Variants in PYGM observed in about 807,000 individuals in gnomAD.
The protein encoded by PYGM is glycogen phosphorylase, muscle form.
A neutral mutation model predicts 99.3 loss-of-function variants in PYGM; 81 were observed. That is an observed-to-expected ratio of 0.82 (90% CI 0.68 to 0.98). The LOEUF is 0.98. PYGM is among the 50% of genes least tolerant of loss of function. The probability of loss-of-function intolerance (pLI) is 0.00; values close to 1 mark genes in which losing one functional copy is unlikely to be tolerated. For missense variants in PYGM, 1,030 were observed against 1,158.1 expected, an observed-to-expected ratio of 0.89 and a Z score of 1.61; for synonymous variants, 436 against 451.5, an observed-to-expected ratio of 0.97 and a Z score of 0.44.
Position 64,759,847 on chromosome 11 carries a change from C to T in PYGM, c.52G>A (p.Gly18Ser). 1 of 1,614,256 alleles carries T rather than the reference C, an allele frequency of 6.2e-7. No individual in the cohort carries two copies. Among genetic ancestry groups the T allele is most frequent in the Non-Finnish European group, 8.5e-7 (1 of 1,180,046 alleles). ...GTCACGTTCTCCACGCCGGCCAGGC[C>T]ACGCACACTGATTTGCTTTCTTTTC... is the stretch of plus-strand genomic sequence containing the variant. ...QEKRKQISVR[G>S]LAGVENVTEL... Residue 18 changes from glycine (G) to serine (S), a missense_variant, in exon 1 of 20, where the codon GGC becomes AGC. Physicochemically the swap from Gly to Ser is moderately conservative, Grantham distance 56. Transcript: ENST00000164139.
Position 64,753,532 on chromosome 11 carries a change from G to C in PYGM, c.1390C>G (p.Leu464Val). Residue 464 changes from leucine to valine, a missense_variant, in exon 11 of 20, where the codon CTC becomes GTC. Physicochemically the swap from Leu to Val is conservative, Grantham distance 32 (BLOSUM62 1). Transcript: ENST00000164139. ...NGVARIHSEI[L>V]KKTIFKDFYE... Reference sequence around the variant, plus strand: ...AGCGGGGCTCACATGGTCTTCTTGAGGATCTCGGAGTGGATGCGCGCCACG... The same window carrying C: ...AGCGGGGCTCACATGGTCTTCTTGACGATCTCGGAGTGGATGCGCGCCACG... 1 of 1,594,146 alleles carries C rather than the reference G, an allele frequency of 6.3e-7. No individual in the cohort carries two copies. Among genetic ancestry groups the C allele is most frequent in the Non-Finnish European group, 8.5e-7 (1 of 1,173,942 alleles).
At chr11:64,753,393 C>T in intron 11 of PYGM, 126 bp downstream of exon 11, 1 of 1,370,912 alleles carries the variant, frequency 7.3e-7, no homozygotes, top group Non-Finnish European at 9.9e-7. Context: ...AAGAATGACG[C>T]CACCTGTGAA....
At chr11:64,747,454 C>T in intron 17 of PYGM, 96 bp from the exon 18 acceptor site, 1 of 1,548,012 alleles carries the variant, frequency 6.5e-7, no homozygotes, top group South Asian at 1.1e-5. Context: ...GGGTCAAAAC[C>T]CAGGTCCAGC....
chr11:64,753,424 CAG>C, intron 11 of PYGM, 93 bp downstream of exon 11: 4 of 1,471,314 alleles, frequency 2.7e-6, no homozygotes, highest in African/African-American at 1.4e-5. Flanking sequence ...GCCCAGAGAC[CAG>C]AGAGTGGTCG....
intron 14 of PYGM, 28 bp downstream of exon 14, chr11:64,751,896 G>A (rs2058358973): frequency 6.2e-7 from 1 of 1,614,062 alleles, no homozygotes; most frequent in East Asian, 2.2e-5. Context: ...GGAGCACTGA[G>A]AGACAGGGTA....
rs2058348408 is a variant in PYGM at position 64,750,510 on chromosome 11, C to T, written c.2043G>A (p.Lys681=). 1.2e-6 allele frequency: 2 copies of T among 1,614,234 alleles called. No individual in the cohort carries two copies. The highest frequency in any genetic ancestry group is 1.1e-5 in the South Asian group (1 of 91,088). Residue 681 remains lysine, a synonymous_variant, in exon 17 of 20, where the codon AAG becomes AAA. Transcript: ENST00000164139. ...GTEASGTGNM[K]FMLNGALTIG... The stretch of plus-strand genomic sequence containing the variant: ...TGGTCAGAGCCCCGTTGAGCATGAA[C>T]TTCATGTTGCCGGTGCCTGAGGCTT...
Position 64,753,120 on chromosome 11 carries a change from G to A in PYGM, c.1471C>T (p.Arg491Cys), listed in dbSNP as rs759977194. ...QNKTNGITPRRWLVLCNPGLA... is the reference protein window; with the variant it reads ...QNKTNGITPRCWLVLCNPGLA... ...CCGGGGTTACACAGAACCAGCCAGCGCCGAGGGGTGATGCCGTTGGTCTTA... is the reference window on the plus strand; with the variant it reads ...CCGGGGTTACACAGAACCAGCCAGCACCGAGGGGTGATGCCGTTGGTCTTA... Residue 491 changes from arginine to cysteine, a missense_variant, in exon 12 of 20, where the codon CGC becomes TGC. By Grantham distance (180) the Arg-to-Cys change is radical (BLOSUM62 -3). Coordinates refer to ENST00000164139, the MANE Select transcript of PYGM (RefSeq NM_005609.4). 3 of 1,614,136 alleles carry A rather than the reference G, an allele frequency of 1.9e-6. No homozygotes were observed. The highest frequency in any genetic ancestry group is 3.3e-5 in the Admixed American group (2 of 60,022).
chr11:64,759,327 C>T (rs1430704764), intron 1 of PYGM, among the ~76,000 whole-genome samples: 1 of 152,144 alleles, frequency 6.6e-6, no homozygotes, highest in Non-Finnish European at 1.5e-5. Context: ...GCTGCACAGG[C>T]ACACCGCGCA....
In PYGM at chr11:64,755,822, A is replaced by G. The variant is rs144871891; in HGVS notation, c.661-264T>C. On this transcript the variant is annotated intron_variant, in intron 5 of 19. Transcript: ENST00000164139. The surrounding 1 kb of genome is among the most constrained non-coding windows in gnomAD (Gnocchi z 4.1). ...AGGAAAATGGAAGGAGGCAGGTGAT[A>G]AGCCCGGAACCCAGGAGGGGCTCTG... Among the ~76,000 whole-genome samples the G allele has an allele frequency of 6.6e-6, 1 of 152,294 alleles. No individual in the cohort carries two copies. Among genetic ancestry groups the G allele is most frequent in the Non-Finnish European group, 1.5e-5 (1 of 68,012 alleles).
At chr11:64,748,040 C>CAA (rs60245239) in intron 17 of PYGM, 4 of 131,026 alleles carry the variant, frequency 3.1e-5, no homozygotes, top group Non-Finnish European at 3.3e-5. Flanking sequence ...GACTCCATCT[C>CAA]AAAAAAAAAA....
Position 64,758,724 on chromosome 11 carries a change from G to A in PYGM, c.244-20C>T. The stretch of plus-strand genomic sequence containing the variant: ...GATCCTCTGCCCAGAGAGACGGATG[G>A]GCAGGGAATGGGGTCAGGGCCACAC... On this transcript the variant is annotated intron_variant, in intron 1 of 19. Coordinates refer to ENST00000164139, the MANE Select transcript of PYGM (RefSeq NM_005609.4). The A allele has an allele frequency of 6.4e-7, 1 of 1,572,682 alleles. No individual in the cohort carries two copies. Among genetic ancestry groups the A allele is most frequent in the Non-Finnish European group, 8.8e-7 (1 of 1,142,804 alleles).
chr11:64,746,517 G>C lies in PYGM; in HGVS notation c.*142C>G, dbSNP rs567017411. The C allele has an allele frequency of 8.4e-7, 1 of 1,186,494 alleles. No homozygotes were observed. Among genetic ancestry groups the C allele is most frequent in the Non-Finnish European group, 1.2e-6 (1 of 822,384 alleles). The allele number at this position is 1,186,494 out of a possible 1,614,324, so 73.5% of individuals were successfully genotyped here. ...TGTCCTTAGTCACGCTGGACACTGG[G>C]ACATTGAGAGTGGGGAAAATGAGGG... On this transcript the variant is annotated 3_prime_UTR_variant, in exon 20 of 20. Coordinates refer to ENST00000164139, the MANE Select transcript of PYGM (RefSeq NM_005609.4).
rs1592412441 is a variant in PYGM, at chr11:64,754,635, A to G, written c.999+58T>C. ...CATGGGGCAGGCAGGCCGAGGCTGG[A>G]GGGAGAGGCCTAGCACACACTGTCC... On this transcript the variant is annotated intron_variant, in intron 8 of 19. Coordinates refer to ENST00000164139, the MANE Select transcript of PYGM (RefSeq NM_005609.4). This position sits in a 1 kb window ranked among gnomAD's most constrained non-coding sequence, Gnocchi z 5.5. The G allele has an allele frequency of 6.3e-7, 1 of 1,599,566 alleles. No homozygotes were observed. Among genetic ancestry groups the G allele is most frequent in the Non-Finnish European group, 8.5e-7 (1 of 1,172,372 alleles).
In PYGM at chr11:64,751,962, T is replaced by C; in HGVS notation, c.1730A>G (p.Gln577Arg). The change falls in exon 14 of 20, where the codon CAG becomes CGG. Residue 577 changes from glutamine (Q) to arginine (R), a missense_variant. By Grantham distance (43) the Gln-to-Arg change is conservative. Transcript: ENST00000164139. ...GATGACATGGAGGCAGTTGAGGAGC[T>C]GTCGTTTATATTCGTGAATCCGCTT... Reference protein sequence around the residue: ...QVKRIHEYKRQLLNCLHVITL... With the variant: ...QVKRIHEYKRRLLNCLHVITL... The C allele has an allele frequency of 2.5e-6, 4 of 1,614,192 alleles. No individual in the cohort carries two copies. The highest frequency in any genetic ancestry group is 3.4e-6 in the Non-Finnish European group (4 of 1,180,022).
chr11:64,759,458 C>A (rs1183460433), intron 1 of PYGM, among the ~76,000 whole-genome samples, 198 bp downstream of exon 1: 2 of 152,196 alleles, frequency 1.3e-5, no homozygotes, highest in African/African-American at 4.8e-5. Context: ...AGCCAGCCCA[C>A]CTGCTCTGAG....
intron 5 of PYGM, 88 bp downstream of exon 5, chr11:64,757,691 A>C (rs2135839010): frequency 6.3e-7 from 1 of 1,579,816 alleles, no homozygotes; most frequent in Middle Eastern, 1.7e-4. Context: ...CCTCAGGTGT[A>C]AAATACACTG....
chr11:64,754,956 C>T lies in PYGM; in HGVS notation c.856-120G>A. ...GACCCCTGAGCCCTGAGCCGGCCCCCTCTCTGGGACCCAGGGGCCTTTCCT... is the reference window on the plus strand; with the variant it reads ...GACCCCTGAGCCCTGAGCCGGCCCCTTCTCTGGGACCCAGGGGCCTTTCCT... On this transcript the variant is annotated intron_variant, in intron 7 of 19. Transcript: ENST00000164139. This position sits in a 1 kb window ranked among gnomAD's most constrained non-coding sequence, Gnocchi z 5.5. 2.2e-6 allele frequency: 3 copies of T among 1,381,830 alleles called. No individual in the cohort carries two copies. The highest frequency in any genetic ancestry group is 2.9e-6 in the Non-Finnish European group (3 of 1,018,198). 85.6% of individuals were successfully genotyped at this position (1,381,830 alleles called of 1,614,324 possible). A position where few individuals can be genotyped will look rare whatever the true frequency, so the allele number is the denominator to read the frequency against.
At position 64,758,311 on chromosome 11, in the gene PYGM, C is replaced by T. The variant is rs753687960; in HGVS notation, c.463G>A (p.Ala155Thr). The T allele has an allele frequency of 1.4e-5, 23 of 1,614,096 alleles. No individual in the cohort carries two copies. The East Asian group carries it at 2.2e-4, about 16-fold the overall frequency. ...TCATAGCGAATCCCGTAGCCATAGG[C>T]GGCCAGGCCCAGTGTTGCCATGGAG... ...LDSMATLGLA[A>T]YGYGIRYEFG... The change falls in exon 4 of 20, where the codon GCC becomes ACC. Residue 155 changes from alanine to threonine, a missense_variant. Transcript: ENST00000164139.
rs886048465 is a variant in PYGM, at chr11:64,759,921, C to T, written c.-23G>A. 3 of 1,613,322 alleles carry T rather than the reference C, an allele frequency of 1.9e-6. No homozygotes were observed. Among genetic ancestry groups the T allele is most frequent in the Non-Finnish European group, 2.5e-6 (3 of 1,179,756 alleles). ...CATGGCTGCAGGAGGGCGGGCCGGA[C>T]TGGACTGATGGTAGAGGGGACGGCG... On this transcript the variant is annotated 5_prime_UTR_variant, in exon 1 of 20. Coordinates refer to ENST00000164139, the MANE Select transcript of PYGM (RefSeq NM_005609.4).
Sources: gnomAD v4.1 joint callset for allele counts (sites outside exome capture counted in the v4.1 genomes callset) on GRCh38, gnomAD v4.1.1 for gene constraint, Gnocchi (gnomAD v3.1) non-coding constraint, MANE v1.5 for transcripts, NCBI Gene and HGNC (gene_info 2026-07-23, HGNC 2026-07-21) for gene names.